ESRP1: variants seen among roughly 807,000 people sequenced by gnomAD.
ESRP1 encodes the protein epithelial splicing regulatory protein 1, also known as RNA-binding motif protein 35A.
In ESRP1, 33 loss-of-function variants were observed where a neutral mutation model predicts 81.7. The ratio of observed to expected loss-of-function variants is 0.40; its 90% confidence interval spans 0.31 to 0.54. The LOEUF is 0.54. Among genes scored for constraint, ESRP1 ranks in the 20% least tolerant of loss-of-function variants. The pLI is 0.41. For synonymous variants in ESRP1, 320 were observed against 303.3 expected, an observed-to-expected ratio of 1.06 and a Z score of -0.57; for missense variants, 672 against 833.1, an observed-to-expected ratio of 0.81 and a Z score of 2.38.
Position 94,685,786 on chromosome 8 carries a change from C to CAA in ESRP1, c.1821-6881_1821-6880dup, listed in dbSNP as rs143033408. 2.9e-3 allele frequency among the ~76,000 whole-genome samples: 416 copies of CAA among 143,196 alleles called. 1 individual carries two copies. Among genetic ancestry groups the CAA allele is most frequent in the African/African-American group, 9.8e-3 (373 of 37,986 alleles). 93.9% of individuals were successfully genotyped at this position (143,196 alleles called of 152,430 possible). A position where few individuals can be genotyped will look rare whatever the true frequency, so the allele number is the denominator to read the frequency against. ...AGCCGGGGTGACAGGGAGACAGTCT[C>CAA]AAAAAAAAAAACCAACAAAAACAAA... On this transcript the variant is annotated intron_variant, in intron 13 of 15. Transcript: ENST00000433389.
chr8:94,668,479 G>T, intron 10 of ESRP1: 2 of 340,826 alleles, frequency 5.9e-6, no homozygotes, highest in East Asian at 4.8e-5. Context: ...GCTATAGCTG[G>T]ATTTTTGTAT....
At chr8:94,705,245 G>A (rs188005256) in intron 15 of ESRP1, among the ~76,000 whole-genome samples, 2 of 133,524 alleles carry the variant, frequency 1.5e-5, no homozygotes, top group African/African-American at 5.7e-5. Flanking sequence ...TTGGCTCACT[G>A]TAACCTCCAC....
chr8:94,687,504 A>G (rs1187943395), intron 13 of ESRP1, among the ~76,000 whole-genome samples: 1 of 152,214 alleles, frequency 6.6e-6, no homozygotes, highest in Non-Finnish European at 1.5e-5. Flanking sequence ...GAAACTGCCA[A>G]CCAAGCTGTT....
At position 94,655,068 on chromosome 8, in the gene ESRP1, TGTG is replaced by T. The variant is rs1818334014; in HGVS notation, c.491-7203_491-7201del. On this transcript the variant is annotated intron_variant, in intron 4 of 15. Transcript: ENST00000433389. ...TCTGTGAGGTTTTTTGGGTTTTTTG[TGTG>T]TGTGTGTGTGTGTGTGTTTTGTTTT... 3.4e-5 allele frequency among the ~76,000 whole-genome samples: 5 copies of T among 146,116 alleles called. No homozygotes were observed. The East Asian group carries it at 6.1e-4, about 18-fold the overall frequency.
At chr8:94,696,436 A>G (rs1285013797) in intron 14 of ESRP1, among the ~76,000 whole-genome samples, 1 of 152,216 alleles carries the variant, frequency 6.6e-6, no homozygotes, top group Non-Finnish European at 1.5e-5. Context: ...ATCTAACACT[A>G]TCTAAAATTC....
At position 94,664,612 on chromosome 8, in the gene ESRP1, A is replaced by G; in HGVS notation, c.645-85A>G. The G allele has an allele frequency of 4.4e-6, 4 of 909,798 alleles. No individual in the cohort carries two copies. The Admixed American group carries it at 7.6e-5, about 17-fold the overall frequency. 56.4% of individuals were successfully genotyped at this position (909,798 alleles called of 1,614,324 possible). A position where few individuals can be genotyped will look rare whatever the true frequency, so the allele number is the denominator to read the frequency against. ...GAACACCAAATAATACATCCTGTGT[A>G]ACTAGGCAGTTGTCTTGCAGGGGGT... On this transcript the variant is annotated intron_variant, in intron 6 of 15. Coordinates refer to ENST00000433389, the MANE Select transcript of ESRP1 (RefSeq NM_017697.4).
intron 10 of ESRP1, among the ~76,000 whole-genome samples, chr8:94,668,788 C>CGTGTGTGTGTGT (rs771754492): frequency 3.1e-3 from 238 of 76,836 alleles, no homozygotes; most frequent in African/African-American, 0.012. Flanking sequence ...TAGCTTTCAG[C>CGTGTGTGTGTGT]ATGTGTGTGT....
chr8:94,659,043 A>G (rs774376963), intron 4 of ESRP1, among the ~76,000 whole-genome samples: 96 of 152,114 alleles, frequency 6.3e-4, no homozygotes, highest in Non-Finnish European at 2.1e-4. Context: ...AGTAGATGCA[A>G]TGACAGGCCA....
chr8:94,642,211 T>A, intron 2 of ESRP1, 127 bp downstream of exon 2: 1 of 1,214,962 alleles, frequency 8.2e-7, no homozygotes, highest in Non-Finnish European at 1.1e-6. Context: ...GCCGCGTGGG[T>A]GGGAGCCCAG....
intron 4 of ESRP1, among the ~76,000 whole-genome samples, chr8:94,652,448 G>C (rs1818190072): frequency 6.6e-6 from 1 of 150,806 alleles, no homozygotes; most frequent in African/African-American, 2.4e-5. Flanking sequence ...GATGGTGAGG[G>C]TGTGAGATGA....
chr8:94,701,000 C>T (rs1008707123), intron 15 of ESRP1, among the ~76,000 whole-genome samples: 62 of 147,992 alleles, frequency 4.2e-4, no homozygotes, highest in African/African-American at 1.4e-3. Context: ...GGGCCGGGTG[C>T]GGTTGCTCAT....
intron 4 of ESRP1, among the ~76,000 whole-genome samples, chr8:94,655,411 T>C (rs953906215): frequency 1.4e-4 from 21 of 151,338 alleles, no homozygotes; most frequent in African/African-American, 4.6e-4. Flanking sequence ...TTAATTTTAT[T>C]TTTATATTTT....
intron 13 of ESRP1, among the ~76,000 whole-genome samples, chr8:94,686,542 C>G (rs77951131): frequency 6.6e-6 from 1 of 152,178 alleles, no homozygotes; most frequent in Admixed American, 6.5e-5. Context: ...CAAGGACAGT[C>G]TCCTTGTTAG....
chr8:94,705,382 G>A (rs559977514), intron 15 of ESRP1, among the ~76,000 whole-genome samples: 17 of 152,092 alleles, frequency 1.1e-4, no homozygotes, highest in Admixed American at 5.2e-4. Context: ...TGGCCAGGCT[G>A]ATCTCAGACT....
At chr8:94,692,129 C>G (rs1203234403) in intron 13 of ESRP1, among the ~76,000 whole-genome samples, 1 of 152,112 alleles carries the variant, frequency 6.6e-6, no homozygotes, top group Non-Finnish European at 1.5e-5. Flanking sequence ...TCCGCCACCC[C>G]CATTTTTTAA....
intron 13 of ESRP1, among the ~76,000 whole-genome samples, chr8:94,679,854 CTTCT>C (rs990157850): frequency 7.5e-4 from 114 of 152,134 alleles, no homozygotes; most frequent in African/African-American, 2.3e-3. Flanking sequence ...CTAATCGTTC[CTTCT>C]TTCTTTTTTT....
intron 13 of ESRP1, among the ~76,000 whole-genome samples, chr8:94,678,937 A>G (rs1808752955): frequency 6.6e-6 from 1 of 152,220 alleles, no homozygotes; most frequent in African/African-American, 2.4e-5. Context: ...CTAGCATATA[A>G]TGGAGAGAAT....
intron 9 of ESRP1, among the ~76,000 whole-genome samples, chr8:94,667,164 G>A (rs144300270): frequency 1.3e-3 from 192 of 151,384 alleles, no homozygotes; most frequent in Admixed American, 3.4e-3. Context: ...TTTGCAGTGA[G>A]CCGAGACCGT....
intron 13 of ESRP1, among the ~76,000 whole-genome samples, chr8:94,684,432 T>C (rs1040777900): frequency 6.6e-6 from 1 of 152,168 alleles, no homozygotes; most frequent in Non-Finnish European, 1.5e-5. Flanking sequence ...GTTAACCTTG[T>C]TAATTTCAGA....
Sources: allele counts gnomAD v4.1 joint callset (sites outside exome capture counted in the v4.1 genomes callset), GRCh38; gene constraint gnomAD v4.1.1; transcripts MANE v1.5; gene names NCBI Gene and HGNC (gene_info 2026-07-23, HGNC 2026-07-21).